LRFN5: variants seen among roughly 807,000 people sequenced by gnomAD.
The protein encoded by LRFN5 is leucine rich repeat and fibronectin type III domain containing 5.
A neutral mutation model predicts 45.6 loss-of-function variants in LRFN5; 24 were observed. The observed-to-expected ratio is 0.53, with a 90% CI of 0.38 to 0.74. LRFN5 has a LOEUF of 0.74. Ranked by LOEUF, LRFN5 falls within the 30% of genes least tolerant of loss-of-function variation. LRFN5 has a pLI of 0.00. For missense variants in LRFN5, 776 were observed against 861.5 expected (o/e 0.90, Z 1.24); for synonymous variants, 340 against 313.8 (o/e 1.08, Z -0.88).
intron 2 of LRFN5, among the ~76,000 whole-genome samples, chr14:41,828,065 T>C (rs1291091398): frequency 2.0e-5 from 3 of 152,174 alleles, no homozygotes; most frequent in African/African-American, 7.2e-5. Context: ...TATGTATTGT[T>C]ATATCATGAA....
At chr14:41,790,801 C>G (rs1477988960) in intron 2 of LRFN5, among the ~76,000 whole-genome samples, 1 of 147,480 alleles carries the variant, frequency 6.8e-6, no homozygotes, top group Non-Finnish European at 1.5e-5. Flanking sequence ...TATGTTAAGA[C>G]AATGCCTTAT....
chr14:41,782,253 A>G (rs1410916759), intron 2 of LRFN5, among the ~76,000 whole-genome samples: 1 of 150,896 alleles, frequency 6.6e-6, no homozygotes, highest in Non-Finnish European at 1.5e-5. Context: ...CTGATATTTT[A>G]ATTTGGGGAG....
intron 1 of LRFN5, among the ~76,000 whole-genome samples, chr14:41,609,659 A>G (rs964159689): frequency 2.6e-5 from 4 of 152,174 alleles, no homozygotes; most frequent in African/African-American, 4.8e-5. Flanking sequence ...GTTTTATTCC[A>G]TAGTGAAGAC....
chr14:41,740,780 A>G (rs1217640134), intron 1 of LRFN5, among the ~76,000 whole-genome samples: 1 of 152,046 alleles, frequency 6.6e-6, no homozygotes, highest in Non-Finnish European at 1.5e-5. Context: ...GCAAATTGAA[A>G]TTGGCATCAG....
intron 1 of LRFN5, among the ~76,000 whole-genome samples, chr14:41,739,537 A>G (rs1884598077): frequency 6.6e-6 from 1 of 152,130 alleles, no homozygotes; most frequent in Non-Finnish European, 1.5e-5. Context: ...GAAACACAAT[A>G]TACCAAAACT....
At chr14:41,900,659 A>G (rs992455938) in intron 5 of LRFN5, among the ~76,000 whole-genome samples, 1 of 152,152 alleles carries the variant, frequency 6.6e-6, no homozygotes, top group Non-Finnish European at 1.5e-5. Context: ...GTGGCCATAC[A>G]TCACTCACTT....
chr14:41,704,369 A>G (rs1882961437), intron 1 of LRFN5, among the ~76,000 whole-genome samples: 1 of 150,394 alleles, frequency 6.6e-6, no homozygotes, highest in Non-Finnish European at 1.5e-5. Flanking sequence ...ACTTTCAGTG[A>G]GAATTTGACC....
At chr14:41,647,589 G>T (rs535430358) in intron 1 of LRFN5, among the ~76,000 whole-genome samples, 1 of 152,252 alleles carries the variant, frequency 6.6e-6, no homozygotes, top group Admixed American at 6.5e-5. Flanking sequence ...TTAGTTGGAG[G>T]TCATAATATG....
At chr14:41,778,518 T>C (rs1221919418) in intron 2 of LRFN5, among the ~76,000 whole-genome samples, 1 of 151,780 alleles carries the variant, frequency 6.6e-6, no homozygotes, top group Non-Finnish European at 1.5e-5. Flanking sequence ...CAGATTGTTA[T>C]TATTATCATC....
chr14:41,893,051 A>C (rs1266096436), intron 4 of LRFN5: 22 of 983,690 alleles, frequency 2.2e-5, no homozygotes, highest in Non-Finnish European at 2.5e-5. Flanking sequence ...GTCATTGCTC[A>C]TTAAGCAGAT....
intron 1 of LRFN5, among the ~76,000 whole-genome samples, chr14:41,697,586 T>C (rs771354098): frequency 4.6e-5 from 7 of 151,754 alleles, no homozygotes; most frequent in Non-Finnish European, 1.0e-4. Context: ...CTTGTCCATA[T>C]TAAGTCTACC....
intron 2 of LRFN5, among the ~76,000 whole-genome samples, chr14:41,785,900 G>A (rs967788978): frequency 7.9e-5 from 12 of 152,140 alleles, no homozygotes; most frequent in African/African-American, 2.9e-4. Context: ...AGTTCAGGTG[G>A]TAATACAAAT....
At chr14:41,628,045 G>A (rs1213224488) in intron 1 of LRFN5, among the ~76,000 whole-genome samples, 1 of 152,126 alleles carries the variant, frequency 6.6e-6, no homozygotes, top group Non-Finnish European at 1.5e-5. Context: ...TACTTTCAAG[G>A]ATGCTGAGTT....
At chr14:41,652,334 ATT>A (rs1017780713) in intron 1 of LRFN5, among the ~76,000 whole-genome samples, 1 of 151,876 alleles carries the variant, frequency 6.6e-6, no homozygotes, top group Non-Finnish European at 1.5e-5. Context: ...ATAAAGATGA[ATT>A]TTTTTTGTGA....
Position 41,886,818 on chromosome 14 carries a change from A to C in LRFN5, c.193A>C (p.Asn65His). The change falls in exon 3 of 6, where the codon AAT becomes CAT. Residue 65 changes from asparagine to histidine, a missense_variant. This residue lies in a region of LRFN5 where 311 missense variants were observed against 405.1 expected (regional missense o/e 0.77). Transcript: ENST00000298119. ...GCGGTTGGCAGACAATTTTGTTACAAATATTAAAAGGAAAGATTTTGCCAA... is the reference window on the plus strand; with the variant it reads ...GCGGTTGGCAGACAATTTTGTTACACATATTAAAAGGAAAGATTTTGCCAA... Reference protein sequence around the residue: ...ELRLADNFVTNIKRKDFANMT... With the variant: ...ELRLADNFVTHIKRKDFANMT... 6.2e-7 allele frequency: 1 copy of C among 1,614,054 alleles called. No individual in the cohort carries two copies. Among genetic ancestry groups the C allele is most frequent in the Admixed American group, 1.7e-5 (1 of 60,008 alleles).
chr14:41,775,677 C>T (rs1594698003), intron 2 of LRFN5, among the ~76,000 whole-genome samples: 1 of 152,112 alleles, frequency 6.6e-6, no homozygotes, highest in Admixed American at 6.5e-5. Flanking sequence ...ACGCAGAAAT[C>T]ATCCACAATT....
intron 2 of LRFN5, among the ~76,000 whole-genome samples, chr14:41,866,833 A>G (rs991902447): frequency 2.6e-5 from 4 of 152,166 alleles, no homozygotes; most frequent in African/African-American, 4.8e-5. Context: ...TAATCTCTAA[A>G]CAATAACATA....
At chr14:41,703,709 T>C (rs1314202441) in intron 1 of LRFN5, among the ~76,000 whole-genome samples, 1 of 152,272 alleles carries the variant, frequency 6.6e-6, no homozygotes, top group Middle Eastern at 3.4e-3. Context: ...CCAGATTTGA[T>C]GATCATTTCA....
chr14:41,638,725 TATG>T (rs1299368652), intron 1 of LRFN5, among the ~76,000 whole-genome samples: 1 of 152,094 alleles, frequency 6.6e-6, no homozygotes, highest in Non-Finnish European at 1.5e-5. Flanking sequence ...TGTAACCTAA[TATG>T]ATAATTTATA....
Sources: gnomAD v4.1 joint callset for allele counts (sites outside exome capture counted in the v4.1 genomes callset) on GRCh38, gnomAD v4.1.1 for gene constraint, gnomAD v4.1.1 regional missense constraint, MANE v1.5 for transcripts, NCBI Gene and HGNC (gene_info 2026-07-23, HGNC 2026-07-21) for gene names.